The following DPP10 variants were observed in gnomAD, a reference collection of about 807,000 sequenced individuals.
DPP10 encodes inactive dipeptidyl peptidase 10.
A neutral mutation model predicts 120.9 loss-of-function variants in DPP10; 33 were observed. The observed-to-expected ratio is 0.27, with a 90% CI of 0.21 to 0.37. DPP10 has a LOEUF of 0.37. DPP10 is among the 10% of genes least tolerant of loss of function. The pLI is 1.00. For missense variants in DPP10, 816 were observed against 942.8 expected (o/e 0.87, Z 1.76); for synonymous variants, 337 against 326.1 (o/e 1.03, Z -0.36).
intron 1 of DPP10, among the ~76,000 whole-genome samples, chr2:115,271,771 A>G (rs1467586084): frequency 6.6e-5 from 10 of 152,222 alleles, no homozygotes; most frequent in Admixed American, 6.5e-4. Context: ...CTTCCACAGA[A>G]TAATTCATAG....
chr2:115,096,326 C>T (rs895150627), intron 1 of DPP10, among the ~76,000 whole-genome samples: 1 of 152,106 alleles, frequency 6.6e-6, no homozygotes, highest in Non-Finnish European at 1.5e-5. Flanking sequence ...CTCTGGTATA[C>T]AGTATATACA....
intron 1 of DPP10, among the ~76,000 whole-genome samples, chr2:114,681,049 C>T (rs79022354): frequency 0.033 from 4,970 of 151,924 alleles, 125 homozygotes; most frequent in Middle Eastern, 0.065. Context: ...TTAAGCTGAT[C>T]TTCTCCAAAA....
chr2:115,159,690 A>G (rs1009395269), intron 1 of DPP10, among the ~76,000 whole-genome samples: 2 of 152,198 alleles, frequency 1.3e-5, no homozygotes, highest in African/African-American at 4.8e-5. Flanking sequence ...ACAAATACTT[A>G]AATCAAAGAA....
intron 5 of DPP10, among the ~76,000 whole-genome samples, chr2:115,637,219 A>G (rs183574815): frequency 2.0e-5 from 3 of 152,342 alleles, no homozygotes; most frequent in African/African-American, 7.2e-5. Context: ...AAAGCAAATT[A>G]TGACTATATA....
At chr2:115,447,304 T>G (rs949672877) in intron 3 of DPP10, among the ~76,000 whole-genome samples, 1 of 152,184 alleles carries the variant, frequency 6.6e-6, no homozygotes, top group African/African-American at 2.4e-5. Context: ...ACTAACTGGT[T>G]TTTGATTTTA....
chr2:115,747,417 G>T (rs1337745870), intron 10 of DPP10, among the ~76,000 whole-genome samples: 1 of 152,038 alleles, frequency 6.6e-6, no homozygotes, highest in African/African-American at 2.4e-5. Context: ...AACAATGATG[G>T]ATACTATTGA....
At chr2:115,456,324 G>C (rs924749021) in intron 3 of DPP10, among the ~76,000 whole-genome samples, 2 of 152,172 alleles carry the variant, frequency 1.3e-5, no homozygotes, top group Non-Finnish European at 2.9e-5. Flanking sequence ...ATGCTGGAGA[G>C]GATGTGGAGA....
At chr2:115,194,557 AG>A (rs1559219550) in intron 1 of DPP10, among the ~76,000 whole-genome samples, 1 of 152,072 alleles carries the variant, frequency 6.6e-6, no homozygotes, top group African/African-American at 2.4e-5. Flanking sequence ...AAGCTAGGAC[AG>A]GGGCAGTTAC....
intron 1 of DPP10, among the ~76,000 whole-genome samples, chr2:115,102,743 CTG>C (rs2048753279): frequency 7.2e-6 from 1 of 139,516 alleles, no homozygotes; most frequent in African/African-American, 2.6e-5. Flanking sequence ...CCTTCATTGA[CTG>C]AAAAAAAAAA....
At chr2:114,959,646 G>A (rs933696245) in intron 1 of DPP10, among the ~76,000 whole-genome samples, 1 of 152,076 alleles carries the variant, frequency 6.6e-6, no homozygotes, top group Non-Finnish European at 1.5e-5. Flanking sequence ...TTAAGGAACC[G>A]CCAAACTGTT....
intron 1 of DPP10, 127 bp downstream of exon 1, chr2:114,442,965 T>C: frequency 8.5e-7 from 1 of 1,178,382 alleles, no homozygotes; most frequent in East Asian, 2.6e-5. Context: ...AATTGAAGGT[T>C]GAGTCACAAT....
chr2:114,955,618 C>G (rs988149860), intron 1 of DPP10, among the ~76,000 whole-genome samples: 1 of 152,168 alleles, frequency 6.6e-6, no homozygotes, highest in Non-Finnish European at 1.5e-5. Flanking sequence ...AGCCTCCTAT[C>G]GAAACTAAAT....
At chr2:114,688,699 A>G (rs1699532121) in intron 1 of DPP10, among the ~76,000 whole-genome samples, 1 of 151,916 alleles carries the variant, frequency 6.6e-6, no homozygotes, top group African/African-American at 2.4e-5. Flanking sequence ...AGTGACTGAC[A>G]AGTGCGCATG....
intron 24 of DPP10, among the ~76,000 whole-genome samples, chr2:115,840,346 C>T (rs1452275517): frequency 1.4e-4 from 9 of 63,378 alleles, no homozygotes; most frequent in African/African-American, 5.4e-4. Context: ...TTTTTTGAGA[C>T]GGAGTCTTGC....
intron 8 of DPP10, among the ~76,000 whole-genome samples, chr2:115,733,845 CAG>C (rs1263598192): frequency 1.3e-5 from 2 of 152,120 alleles, no homozygotes; most frequent in African/African-American, 4.8e-5. Flanking sequence ...TTTTCTAAAT[CAG>C]AGTAATAAAA....
chr2:115,189,445 A>G (rs923405102), intron 1 of DPP10, among the ~76,000 whole-genome samples: 1 of 152,202 alleles, frequency 6.6e-6, no homozygotes, highest in Admixed American at 6.5e-5. Context: ...CTGACGGGAA[A>G]GTTATTTACT....
chr2:115,642,376 A>T (rs933472814), intron 5 of DPP10, among the ~76,000 whole-genome samples: 2 of 152,134 alleles, frequency 1.3e-5, no homozygotes, highest in Non-Finnish European at 2.9e-5. Context: ...GGGTGGGCTC[A>T]TCCATTAGTT....
At chr2:114,884,372 T>C (rs1050749844) in intron 1 of DPP10, among the ~76,000 whole-genome samples, 2 of 152,202 alleles carry the variant, frequency 1.3e-5, no homozygotes, top group Non-Finnish European at 2.9e-5. Context: ...AATCAGTGTA[T>C]TGGCGGGTTT....
At chr2:114,540,084 C>T (rs1168462911) in intron 1 of DPP10, among the ~76,000 whole-genome samples, 2 of 152,144 alleles carry the variant, frequency 1.3e-5, no homozygotes, top group African/African-American at 4.8e-5. Flanking sequence ...AAATGTGCAA[C>T]ATATTTTCAA....
Sources: allele counts gnomAD v4.1 joint callset (sites outside exome capture counted in the v4.1 genomes callset), GRCh38; gene constraint gnomAD v4.1.1; transcripts MANE v1.5; gene names NCBI Gene and HGNC (gene_info 2026-07-23, HGNC 2026-07-21).